Variants in RNLS observed in about 807,000 individuals in gnomAD.
The protein encoded by RNLS is renalase.
A neutral mutation model predicts 39.8 loss-of-function variants in RNLS; 39 were observed. That is an observed-to-expected ratio of 0.98 (90% CI 0.76 to 1.28). RNLS has a LOEUF of 1.28. Ranked by LOEUF, RNLS falls within the 50% of genes most tolerant of loss-of-function variation. RNLS has a pLI of 0.00. For synonymous variants in RNLS, 147 were observed against 150.7 expected (o/e 0.98, Z 0.18); for missense variants, 410 against 413.3 (o/e 0.99, Z 0.07).
chr10:88,434,147 G>A (rs1244703085), intron 4 of RNLS, among the ~76,000 whole-genome samples: 1 of 152,056 alleles, frequency 6.6e-6, no homozygotes, highest in Non-Finnish European at 1.5e-5. Context: ...TTGGAGCATC[G>A]AGGCCATATT....
the RNLS span, among the ~76,000 whole-genome samples, chr10:88,265,615 C>T: frequency 5.9e-5 from 9 of 151,880 alleles, no homozygotes; most frequent in Non-Finnish European, 1.0e-4. Flanking sequence ...TTGCAGCTAT[C>T]GTGAAAGGGG....
intron 4 of RNLS, among the ~76,000 whole-genome samples, chr10:88,425,522 A>G (rs1183006557): frequency 6.6e-6 from 1 of 152,048 alleles, no homozygotes; most frequent in Admixed American, 6.6e-5. Context: ...ATTTAGTTTT[A>G]TATTGCCTGG....
chr10:88,432,906 A>G (rs1207347610), intron 4 of RNLS, among the ~76,000 whole-genome samples: 1 of 151,906 alleles, frequency 6.6e-6, no homozygotes, highest in Non-Finnish European at 1.5e-5. Flanking sequence ...CTGAAGTGAG[A>G]TTTTTTTCAA....
chr10:88,272,212 TC>T (rs1252661767), downstream of RNLS, among the ~76,000 whole-genome samples: 4 of 152,206 alleles, frequency 2.6e-5, no homozygotes, highest in African/African-American at 9.6e-5. Flanking sequence ...GCAATGGTTT[TC>T]CATCTGAAAC....
intron 5 of RNLS, among the ~76,000 whole-genome samples, chr10:88,351,076 G>T (rs1317154484): frequency 1.3e-5 from 2 of 152,000 alleles, no homozygotes; most frequent in East Asian, 3.9e-4. Flanking sequence ...TGTTGGTGGG[G>T]TTGTTTTTTT....
chr10:88,479,580 CATT>C (rs1844030526), intron 4 of RNLS, among the ~76,000 whole-genome samples: 2 of 152,042 alleles, frequency 1.3e-5, no homozygotes, highest in Admixed American at 6.6e-5. Flanking sequence ...TCATCATCAT[CATT>C]GGATTTGTCT....
intron 4 of RNLS, among the ~76,000 whole-genome samples, chr10:88,374,909 G>GT (rs1850856303): frequency 6.6e-6 from 1 of 152,060 alleles, no homozygotes; most frequent in African/African-American, 2.4e-5. Flanking sequence ...CCATCTGATG[G>GT]TTTACTCTTG....
the RNLS span, among the ~76,000 whole-genome samples, chr10:88,173,608 T>A: frequency 2.5e-4 from 38 of 152,304 alleles, no homozygotes; most frequent in East Asian, 3.7e-3. Context: ...ATTCTTACAA[T>A]CCAGGAATGT....
chr10:88,311,831 G>A (rs1450443558), intron 6 of RNLS, among the ~76,000 whole-genome samples: 2 of 152,120 alleles, frequency 1.3e-5, no homozygotes, highest in Admixed American at 1.3e-4. Flanking sequence ...ATGGATATGC[G>A]ACATTAGGAA....
At chr10:88,237,130 T>C in the RNLS span, among the ~76,000 whole-genome samples, 1 of 152,268 alleles carries the variant, frequency 6.6e-6, no homozygotes, top group East Asian at 1.9e-4. Flanking sequence ...TGGTTTTTTT[T>C]TCTTTTAAAT....
At chr10:88,386,599 G>C (rs1359373640) in intron 4 of RNLS, among the ~76,000 whole-genome samples, 1 of 152,180 alleles carries the variant, frequency 6.6e-6, no homozygotes, top group Non-Finnish European at 1.5e-5. Context: ...TCTGTGTTAA[G>C]AGAATCCTCA....
chr10:88,393,280 T>C (rs7898638), intron 4 of RNLS, among the ~76,000 whole-genome samples: 101,995 of 150,578 alleles, frequency 0.68, 35,215 homozygotes, highest in African/African-American at 0.82. Context: ...CATGATTGTA[T>C]ATCTAGAAAA....
chr10:88,548,289 A>AAAAAGAAAAG (rs1554927073), intron 4 of RNLS, among the ~76,000 whole-genome samples: 27 of 80,246 alleles, frequency 3.4e-4, no homozygotes, highest in African/African-American at 1.6e-3. Flanking sequence ...AAAAAAAAAA[A>AAAAAGAAAAG]AAAAGAAAAG....
At chr10:88,264,940 G>A in the RNLS span, among the ~76,000 whole-genome samples, 1 of 152,168 alleles carries the variant, frequency 6.6e-6, no homozygotes, top group Non-Finnish European at 1.5e-5. Flanking sequence ...TTTTTCCAAT[G>A]TTATCTTCTA....
chr10:88,571,949 CCTGCA>C (rs1285687046), intron 4 of RNLS, among the ~76,000 whole-genome samples: 1 of 152,190 alleles, frequency 6.6e-6, no homozygotes. Context: ...TGCCATCCCA[CCTGCA>C]CTGAGTTACA....
the RNLS span, among the ~76,000 whole-genome samples, chr10:88,207,204 G>T: frequency 2.6e-5 from 4 of 152,044 alleles, no homozygotes; most frequent in Admixed American, 2.0e-4. Context: ...AATTAAAAAC[G>T]TATGTTACTG....
intron 4 of RNLS, among the ~76,000 whole-genome samples, chr10:88,384,802 C>T (rs925333647): frequency 5.9e-5 from 9 of 152,090 alleles, no homozygotes; most frequent in Non-Finnish European, 8.8e-5. Context: ...ATTGAGTTGA[C>T]GTTTGTTAAG....
intron 4 of RNLS, among the ~76,000 whole-genome samples, chr10:88,485,713 A>C (rs1203100747): frequency 6.6e-6 from 1 of 151,274 alleles, no homozygotes; most frequent in African/African-American, 2.4e-5. Flanking sequence ...TAATCACAAT[A>C]TTCTTTTTCT....
chr10:88,198,348 C>A, the RNLS span, among the ~76,000 whole-genome samples: 1 of 152,176 alleles, frequency 6.6e-6, no homozygotes, highest in Non-Finnish European at 1.5e-5. Flanking sequence ...CAGGGTAGAC[C>A]TTTTGGGAGC....
Sources: allele counts gnomAD v4.1 joint callset (sites outside exome capture counted in the v4.1 genomes callset), GRCh38; gene constraint gnomAD v4.1.1; transcripts MANE v1.5; gene names NCBI Gene and HGNC (gene_info 2026-07-23, HGNC 2026-07-21).